The following CSMD1 variants were observed in gnomAD, a reference collection of about 807,000 sequenced individuals.
CSMD1 encodes CUB and sushi domain-containing protein 1.
A neutral mutation model predicts 417.5 loss-of-function variants in CSMD1; 213 were observed. That is an observed-to-expected ratio of 0.51 (90% CI 0.46 to 0.57). The LOEUF (loss-of-function observed/expected upper bound fraction) is 0.57, where lower values mean the gene tolerates loss of function less well. Among genes scored for constraint, CSMD1 ranks in the 20% least tolerant of loss-of-function variants. CSMD1 has a pLI of 0.00. For synonymous variants in CSMD1, 2,862 were observed against 1,736.8 expected (o/e 1.65, Z -16.11); for missense variants, 6,923 against 4,529.7 (o/e 1.53, Z -15.17).
chr8:4,042,952 C>T (rs144193982), intron 3 of CSMD1, among the ~76,000 whole-genome samples: 11 of 150,884 alleles, frequency 7.3e-5, no homozygotes, highest in African/African-American at 2.7e-4. Flanking sequence ...AGAGCAAAAA[C>T]CCACCTCTAC....
chr8:3,699,749 G>A (rs1455526312), intron 7 of CSMD1, among the ~76,000 whole-genome samples: 1 of 152,170 alleles, frequency 6.6e-6, no homozygotes, highest in Non-Finnish European at 1.5e-5. Flanking sequence ...GCTTCTGGAT[G>A]CTCCGCAACG....
At chr8:3,849,610 G>C (rs1465092815) in intron 5 of CSMD1, among the ~76,000 whole-genome samples, 1 of 152,070 alleles carries the variant, frequency 6.6e-6, no homozygotes, top group Non-Finnish European at 1.5e-5. Context: ...GTGATTCCTG[G>C]GCCTGTCTGC....
At chr8:3,504,272 A>C (rs1369552777) in intron 10 of CSMD1, among the ~76,000 whole-genome samples, 1 of 152,184 alleles carries the variant, frequency 6.6e-6, no homozygotes, top group Admixed American at 6.5e-5. Context: ...TTTTTAAGTG[A>C]ACAAGTACAA....
At chr8:4,530,066 C>CACCA (rs906886330) in intron 2 of CSMD1, among the ~76,000 whole-genome samples, 2 of 151,770 alleles carry the variant, frequency 1.3e-5, no homozygotes, top group African/African-American at 4.8e-5. Context: ...AGGTGCCCGC[C>CACCA]ACCACGCCCG....
At chr8:3,583,924 C>G (rs1563174032) in intron 9 of CSMD1, among the ~76,000 whole-genome samples, 1 of 151,502 alleles carries the variant, frequency 6.6e-6, no homozygotes, top group Non-Finnish European at 1.5e-5. Flanking sequence ...TCTGAAGTGT[C>G]AGCAGGAGTC....
intron 2 of CSMD1, among the ~76,000 whole-genome samples, chr8:4,544,650 T>C (rs902825281): frequency 2.0e-5 from 3 of 152,232 alleles, no homozygotes; most frequent in Non-Finnish European, 2.9e-5. Context: ...GTTGGTAAGA[T>C]GCATTAACGT....
chr8:3,268,831 A>C (rs1031291760), intron 26 of CSMD1, among the ~76,000 whole-genome samples: 15 of 152,126 alleles, frequency 9.9e-5, no homozygotes, highest in African/African-American at 3.6e-4. Context: ...GTGGGGCCTG[A>C]AATGACTGTT....
intron 5 of CSMD1, among the ~76,000 whole-genome samples, chr8:3,961,877 G>A (rs1018356972): frequency 1.3e-5 from 2 of 152,084 alleles, no homozygotes; most frequent in East Asian, 1.9e-4. Flanking sequence ...CTAAAACAGC[G>A]CATCCTGCCT....
chr8:3,696,010 G>C (rs1019504523), intron 7 of CSMD1, among the ~76,000 whole-genome samples: 1 of 152,144 alleles, frequency 6.6e-6, no homozygotes, highest in African/African-American at 2.4e-5. Context: ...ATGACTTGTG[G>C]AAGACCTACC....
intron 23 of CSMD1, among the ~76,000 whole-genome samples, chr8:3,323,465 A>T (rs528454308): frequency 3.3e-4 from 50 of 152,008 alleles, no homozygotes; most frequent in Non-Finnish European, 6.6e-4. Flanking sequence ...TCTCTCTCTC[A>T]CATACTCCAC....
intron 3 of CSMD1, among the ~76,000 whole-genome samples, chr8:4,055,310 C>G (rs570587705): frequency 2.0e-5 from 3 of 152,048 alleles, no homozygotes; most frequent in African/African-American, 7.2e-5. Flanking sequence ...ATTCCAATGT[C>G]TCCTTCTCTA....
At chr8:3,481,490 T>A (rs77234512) in intron 11 of CSMD1, among the ~76,000 whole-genome samples, 1,793 of 152,278 alleles carry the variant, frequency 0.012, 32 homozygotes, top group African/African-American at 0.04. Context: ...TTAGTTGTAG[T>A]AAGATAAATA....
At chr8:4,549,527 C>T (rs1797773229) in intron 2 of CSMD1, among the ~76,000 whole-genome samples, 1 of 152,010 alleles carries the variant, frequency 6.6e-6, no homozygotes, top group African/African-American at 2.4e-5. Context: ...GCAATTCCTC[C>T]CTACCCAAGA....
rs1354230026 is a variant in CSMD1 at position 3,753,984 on chromosome 8, G to A, written c.877C>T (p.His293Tyr). The change falls in exon 6 of 70, where the codon CAT becomes TAT. Residue 293 changes from histidine (H) to tyrosine (Y), a missense_variant. By Grantham distance (83) the His-to-Tyr change is moderately conservative. Coordinates refer to ENST00000635120, the MANE Select transcript of CSMD1 (RefSeq NM_033225.6). ...CGGTGGTTGCTGTCAGAGGTGAAAT[G>A]GAGTCGTAGCCAATTCTTGCTACTG... is the stretch of plus-strand genomic sequence containing the variant. Reference protein sequence around the residue: ...VISSKNWLRLHFTSDSNHRRK... With the variant: ...VISSKNWLRLYFTSDSNHRRK... 7 of 1,612,974 alleles carry A rather than the reference G, an allele frequency of 4.3e-6. No individual in the cohort carries two copies. The highest frequency in any genetic ancestry group is 5.1e-6 in the Non-Finnish European group (6 of 1,179,406).
chr8:3,699,818 C>A (rs917385469), intron 7 of CSMD1, among the ~76,000 whole-genome samples: 1 of 152,098 alleles, frequency 6.6e-6, no homozygotes, highest in Non-Finnish European at 1.5e-5. Context: ...TGAAGAAAAA[C>A]ATGAGCACCC....
At chr8:3,028,816 C>G (rs1349027166) in intron 51 of CSMD1, among the ~76,000 whole-genome samples, 2 of 152,162 alleles carry the variant, frequency 1.3e-5, no homozygotes, top group African/African-American at 4.8e-5. Flanking sequence ...GTGCTCTGAA[C>G]AATACTAGCA....
intron 5 of CSMD1, among the ~76,000 whole-genome samples, chr8:3,920,872 G>T (rs899572821): frequency 1.3e-5 from 2 of 152,060 alleles, no homozygotes; most frequent in African/African-American, 4.8e-5. Context: ...AATTCATTTT[G>T]CTAGTGTTTT....
chr8:3,929,425 G>A (rs1383162800), intron 5 of CSMD1, among the ~76,000 whole-genome samples: 2 of 150,408 alleles, frequency 1.3e-5, no homozygotes, highest in African/African-American at 2.5e-5. Flanking sequence ...TTCCCCACAT[G>A]AGAAGTGGGT....
intron 1 of CSMD1, among the ~76,000 whole-genome samples, chr8:4,835,459 G>T (rs1176889428): frequency 6.6e-6 from 1 of 152,164 alleles, no homozygotes; most frequent in Non-Finnish European, 1.5e-5. Context: ...GAACTAAAGG[G>T]AGAGACAGTG....
Sources: gnomAD v4.1 joint callset for allele counts (sites outside exome capture counted in the v4.1 genomes callset) on GRCh38, gnomAD v4.1.1 for gene constraint, MANE v1.5 for transcripts, NCBI Gene and HGNC (gene_info 2026-07-23, HGNC 2026-07-21) for gene names.